CADPS: variants seen among roughly 807,000 people sequenced by gnomAD.
CADPS encodes calcium-dependent secretion activator 1.
A neutral mutation model predicts 167.3 loss-of-function variants in CADPS; 57 were observed. The observed-to-expected ratio is 0.34, with a 90% CI of 0.28 to 0.42. The LOEUF is 0.42. Among genes scored for constraint, CADPS ranks in the 20% least tolerant of loss-of-function variants. The pLI, the probability that CADPS is intolerant of heterozygous loss-of-function variation, is 1.00. For synonymous variants in CADPS, 676 were observed against 635.3 expected (o/e 1.06, Z -0.96); for missense variants, 1,414 against 1,738.1 (o/e 0.81, Z 3.32).
At chr3:62,756,358 T>C (rs1443714488) in intron 2 of CADPS, among the ~76,000 whole-genome samples, 1 of 152,222 alleles carries the variant, frequency 6.6e-6, no homozygotes, top group Non-Finnish European at 1.5e-5. Flanking sequence ...TGAGCCACCA[T>C]GCCTGGCCTG....
rs778536940 is a variant in CADPS, at chr3:62,516,650, A to G, written c.2394-7T>C. 10 of 1,595,828 alleles carry G rather than the reference A, an allele frequency of 6.3e-6. No homozygotes were observed. In the African/African-American group the frequency reaches 1.1e-4, roughly 17 times the overall value. ...ACCAAATGGAAAGCAATACCTAAAA[A>G]AGACAAAATTCTTCAGGTTGCCTAA... On this transcript the variant is annotated splice_region_variant and splice_polypyrimidine_tract_variant and intron_variant, in intron 14 of 29. Transcript: ENST00000383710.
At chr3:62,674,259 C>A (rs952681472) in intron 3 of CADPS, among the ~76,000 whole-genome samples, 3 of 152,098 alleles carry the variant, frequency 2.0e-5, no homozygotes, top group Admixed American at 2.0e-4. Context: ...AAATTAAAAC[C>A]TTTCCAGGGT....
At chr3:62,550,912 C>G (rs1283382760) in intron 10 of CADPS, 1 of 456,742 alleles carries the variant, frequency 2.2e-6, no homozygotes, top group Admixed American at 2.3e-5. Context: ...GGAGGAAACC[C>G]TGACTTTCCT....
At chr3:62,733,089 T>G (rs1040036731) in intron 3 of CADPS, among the ~76,000 whole-genome samples, 8 of 152,238 alleles carry the variant, frequency 5.3e-5, no homozygotes, top group Non-Finnish European at 8.8e-5. Flanking sequence ...ATCAGAGTTC[T>G]GTGACAAAGA....
At chr3:62,503,593 T>G (rs550011149) in intron 17 of CADPS, among the ~76,000 whole-genome samples, 1 of 152,242 alleles carries the variant, frequency 6.6e-6, no homozygotes, top group Non-Finnish European at 1.5e-5. Context: ...ATCTGTCATT[T>G]TGGGGGAAAA....
At chr3:62,419,156 A>G (rs1313419698) in intron 28 of CADPS, among the ~76,000 whole-genome samples, 2 of 152,192 alleles carry the variant, frequency 1.3e-5, no homozygotes, top group African/African-American at 2.4e-5. Flanking sequence ...TGAATTTCTC[A>G]GTTCCGACCA....
In CADPS at chr3:62,536,451, A is replaced by C. The variant is rs1481898621; in HGVS notation, c.2097T>G (p.Ser699=). Residue 699 remains serine, a synonymous_variant, in exon 12 of 30, where the codon TCT becomes TCG. Transcript: ENST00000383710. ...TLDHRLNDSY[S]CLGWFSPGQV... is the part of the protein sequence containing the mutation. The stretch of plus-strand genomic sequence containing the variant: ...GACCAAAGAATATACTTGCCAGGCA[A>C]GAATAGGAATCATTAAGTCTGTGAT... 6.2e-7 allele frequency: 1 copy of C among 1,612,872 alleles called. No individual in the cohort carries two copies. The highest frequency in any genetic ancestry group is 2.2e-5 in the East Asian group (1 of 44,826).
At chr3:62,510,227 T>TA (rs2067523776) in intron 17 of CADPS, among the ~76,000 whole-genome samples, 4 of 152,100 alleles carry the variant, frequency 2.6e-5, no homozygotes, top group African/African-American at 7.2e-5. Context: ...TCTATCTATC[T>TA]GCCTGCCTAC....
chr3:62,462,735 CT>C (rs1224147834), intron 26 of CADPS, among the ~76,000 whole-genome samples: 3 of 152,310 alleles, frequency 2.0e-5, no homozygotes, highest in Admixed American at 1.3e-4. Flanking sequence ...GTTTCAAGCT[CT>C]TTGCACAATA....
Position 62,478,379 on chromosome 3 carries a change from G to A in CADPS, c.3211C>T (p.Leu1071Phe). 6.2e-7 allele frequency: 1 copy of A among 1,613,812 alleles called. No homozygotes were observed. Among genetic ancestry groups the A allele is most frequent in the Non-Finnish European group, 8.5e-7 (1 of 1,179,814 alleles). Residue 1071 changes from leucine to phenylalanine, a missense_variant, in exon 23 of 30, where the codon CTT (leucine) becomes TTT (phenylalanine). Transcript: ENST00000383710. The surrounding 1 kb of genome is among the most constrained non-coding windows in gnomAD (Gnocchi z 5.7). ...CGAATGAAGGTCTGAAGGGCGTCAA[G>A]TTTCCAAAACAGATCTTCTGAGGTG... ...SGTSEDLFWK[L>F]DALQTFIRDL...
intron 1 of CADPS, among the ~76,000 whole-genome samples, chr3:62,825,151 G>A (rs934352371): frequency 4.6e-5 from 7 of 152,120 alleles, no homozygotes; most frequent in Non-Finnish European, 8.8e-5. Flanking sequence ...CTGTCAACCA[G>A]GAAGTTCCGT....
chr3:62,696,402 C>T (rs1177177611), intron 3 of CADPS, among the ~76,000 whole-genome samples: 2 of 152,102 alleles, frequency 1.3e-5, no homozygotes, highest in African/African-American at 2.4e-5. Flanking sequence ...CTTGCAGATA[C>T]ACCCTCTTTG....
At chr3:62,797,241 C>T (rs1397896378) in intron 1 of CADPS, among the ~76,000 whole-genome samples, 2 of 151,982 alleles carry the variant, frequency 1.3e-5, no homozygotes, top group African/African-American at 4.8e-5. Context: ...ATGGCAGTTA[C>T]ATTTCTTTGT....
chr3:62,465,558 A>G lies in CADPS; in HGVS notation c.3553-108T>C. 1.5e-6 allele frequency: 1 copy of G among 657,786 alleles called. No individual in the cohort carries two copies. The highest frequency in any genetic ancestry group is 2.6e-5 in the South Asian group (1 of 37,840). The allele number at this position is 657,786 out of a possible 1,614,324, so 40.7% of individuals were successfully genotyped here. ...AAGGCTGGGATCGAGCCCTCCGTTC[A>G]TTTCTGCAGTCTATTATTTGATTCC... is the stretch of plus-strand genomic sequence containing the variant. On this transcript the variant is annotated intron_variant, in intron 25 of 29. Transcript: ENST00000383710. This position sits in a 1 kb window ranked among gnomAD's most constrained non-coding sequence, Gnocchi z 4.1.
rs1553815366 is a variant in CADPS, at chr3:62,491,554, C to CAA, written c.2885-75_2885-74insTT. ...AACGTACAACACACACACACACACACACAAACACACACACACACACACACA... is the reference window on the plus strand; with the variant it reads ...AACGTACAACACACACACACACACACAAACAAACACACACACACACACACACA... On this transcript the variant is annotated intron_variant, in intron 20 of 29. Coordinates refer to ENST00000383710, the MANE Select transcript of CADPS (RefSeq NM_003716.4). 2,454 of 652,852 alleles carry CAA rather than the reference C, an allele frequency of 3.8e-3. 5 individuals are homozygous for CAA. The highest frequency in any genetic ancestry group is 0.015 in the African/African-American group (697 of 45,302). 40.4% of individuals were successfully genotyped at this position (652,852 alleles called of 1,614,324 possible). A position where few individuals can be genotyped will look rare whatever the true frequency, so the allele number is the denominator to read the frequency against.
intron 27 of CADPS, among the ~76,000 whole-genome samples, chr3:62,445,395 C>T (rs1334604956): frequency 6.6e-6 from 1 of 152,058 alleles, no homozygotes; most frequent in African/African-American, 2.4e-5. Flanking sequence ...AATACTATCA[C>T]CCTTGTGCAA....
chr3:62,794,583 A>T (rs78795595), intron 1 of CADPS, among the ~76,000 whole-genome samples: 2,745 of 152,248 alleles, frequency 0.018, 35 homozygotes, highest in East Asian at 0.055. Context: ...TATTTAGTAA[A>T]TAATCATAAT....
intron 6 of CADPS, among the ~76,000 whole-genome samples, chr3:62,603,920 G>T (rs1047624658): frequency 6.6e-6 from 1 of 151,590 alleles, no homozygotes; most frequent in Non-Finnish European, 1.5e-5. Flanking sequence ...TCCACCTCCC[G>T]GGTTCATGCC....
intron 3 of CADPS, among the ~76,000 whole-genome samples, chr3:62,740,479 T>C (rs1029152230): frequency 2.0e-5 from 3 of 152,244 alleles, no homozygotes; most frequent in Non-Finnish European, 2.9e-5. Flanking sequence ...ATTACACTTA[T>C]GATACAAATT....
Sources: gnomAD v4.1 joint callset for allele counts (sites outside exome capture counted in the v4.1 genomes callset) on GRCh38, gnomAD v4.1.1 for gene constraint, Gnocchi (gnomAD v3.1) non-coding constraint, MANE v1.5 for transcripts, NCBI Gene and HGNC (gene_info 2026-07-23, HGNC 2026-07-21) for gene names.